SF3A1: variants seen among roughly 807,000 people sequenced by gnomAD.
The protein encoded by SF3A1 is SAP 114.
Under a neutral mutation model 89.9 loss-of-function variants are expected in SF3A1, and 13 were observed. The observed-to-expected ratio is 0.14, with a 90% CI of 0.09 to 0.23. The LOEUF is 0.23. Ranked by LOEUF, SF3A1 falls within the 10% of genes least tolerant of loss-of-function variation. The pLI is 1.00. For synonymous variants in SF3A1, 405 were observed against 374.4 expected (o/e 1.08, Z -0.94); for missense variants, 604 against 1,022.1 (o/e 0.59, Z 5.58).
intron 9 of SF3A1, among the ~76,000 whole-genome samples, chr22:30,339,627 G>C (rs562272795): frequency 1.3e-5 from 2 of 152,102 alleles, no homozygotes; most frequent in African/African-American, 4.8e-5. Context: ...GTGGTGGTGC[G>C]TGCCTGTAAT....
chr22:30,355,400 C>A (rs1931754036), intron 1 of SF3A1, among the ~76,000 whole-genome samples: 1 of 152,192 alleles, frequency 6.6e-6, no homozygotes, highest in Admixed American at 6.5e-5. Context: ...TTCTAACACA[C>A]CACTCTGGCT....
chr22:30,355,814 T>TTCC, intron 1 of SF3A1, among the ~76,000 whole-genome samples: 1 of 66,318 alleles, frequency 1.5e-5, no homozygotes, highest in East Asian at 9.0e-4. Context: ...TTCAGTCATG[T>TTCC]TCCCCCCCCC....
chr22:30,353,355 C>G (rs1421689853), intron 1 of SF3A1, among the ~76,000 whole-genome samples: 1 of 152,220 alleles, frequency 6.6e-6, no homozygotes, highest in South Asian at 2.1e-4. Flanking sequence ...GAGACCAGCA[C>G]TTCTCCTGTT....
chr22:30,353,154 C>A, intron 1 of SF3A1, 82 bp from the exon 2 acceptor site: 1 of 1,519,192 alleles, frequency 6.6e-7, no homozygotes, highest in South Asian at 1.2e-5. Flanking sequence ...TCTAGGATAT[C>A]ATTCAGAGTA....
At chr22:30,351,447 G>C (rs1931591989) in intron 2 of SF3A1, among the ~76,000 whole-genome samples, 1 of 152,218 alleles carries the variant, frequency 6.6e-6, no homozygotes, top group South Asian at 2.1e-4. Context: ...AACACATGCT[G>C]ATTGGGCCTG....
chr22:30,340,709 T>C lies in SF3A1; in HGVS notation c.1175A>G (p.Asp392Gly), dbSNP rs1569171420. The C allele has an allele frequency of 6.2e-7, 1 of 1,605,336 alleles. No individual in the cohort carries two copies. Among genetic ancestry groups the C allele is most frequent in the Non-Finnish European group, 8.5e-7 (1 of 1,173,148 alleles). Residue 392 changes from aspartate (D) to glycine (G), a missense_variant, in exon 8 of 16, where the codon GAT becomes GGT. Physicochemically the swap from Asp to Gly is moderately conservative, Grantham distance 94. This residue lies in a region of SF3A1 where 146 missense variants were observed against 228.5 expected (regional missense o/e 0.64). Coordinates refer to ENST00000215793, the MANE Select transcript of SF3A1 (RefSeq NM_005877.6). ...GCCCTCCCTACCTTTGGGATCATAA[T>C]CCTTGCGGACAATGACTTGGTCTGG... ...PTPDQVIVRK[D>G]YDPKASKPLP... is the part of the protein sequence containing the mutation.
Position 30,356,787 on chromosome 22 carries a change from C to A in SF3A1, c.6G>T (p.Pro2=), listed in dbSNP as rs980895834. 1.4e-6 allele frequency: 2 copies of A among 1,420,190 alleles called. No individual in the cohort carries two copies. The highest frequency in any genetic ancestry group is 3.0e-5 in the South Asian group (2 of 67,030). 88.0% of individuals were successfully genotyped at this position (1,420,190 alleles called of 1,614,324 possible). Residue 2 remains proline, a synonymous_variant, in exon 1 of 16, where the codon CCG becomes CCT. Transcript: ENST00000215793. Reference sequence around the variant, plus strand: ...GGGGCACCGCCTGCACGGGTCCGGCCGGCATGACTGCGACGCTCAGGGCTG... The same window carrying A: ...GGGGCACCGCCTGCACGGGTCCGGCAGGCATGACTGCGACGCTCAGGGCTG... M[P]AGPVQAVPPP...
chr22:30,335,792 G>A (rs368364522), intron 13 of SF3A1, 39 bp from the exon 14 acceptor site: 55 of 1,533,328 alleles, frequency 3.6e-5, no homozygotes, highest in Middle Eastern at 1.7e-4. Context: ...TAGGGAGCTC[G>A]GAGCCAATCA....
Position 30,356,872 on chromosome 22 carries a change from G to T in SF3A1, c.-80C>A. ...TCAAGACAGCCTCCCCGCTCGGTCA[G>T]TACGACGAGCTCGCAAGATGGCGGC... is the stretch of plus-strand genomic sequence containing the variant. On this transcript the variant is annotated 5_prime_UTR_variant, in exon 1 of 16. It adds an upstream start codon to the 5' untranslated region. Coordinates refer to ENST00000215793, the MANE Select transcript of SF3A1 (RefSeq NM_005877.6). 5.1e-6 allele frequency: 6 copies of T among 1,175,818 alleles called. No homozygotes were observed. The highest frequency in any genetic ancestry group is 6.5e-6 in the Non-Finnish European group (6 of 926,280). The allele number at this position is 1,175,818 out of a possible 1,614,324, so 72.8% of individuals were successfully genotyped here.
chr22:30,352,464 C>T (rs574093621), intron 2 of SF3A1: 43 of 154,398 alleles, frequency 2.8e-4, no homozygotes, highest in Middle Eastern at 3.4e-3. Flanking sequence ...CCCATGCCAT[C>T]TGAGGAGGTG....
At chr22:30,342,117 G>A in intron 6 of SF3A1, 83 bp downstream of exon 6, 1 of 1,489,676 alleles carries the variant, frequency 6.7e-7, no homozygotes, top group East Asian at 2.3e-5. Context: ...AGATTCTACT[G>A]CTCTCTGGGA....
At chr22:30,335,830 T>C (rs1429916363) in intron 13 of SF3A1, 77 bp from the exon 14 acceptor site, 8 of 1,197,088 alleles carry the variant, frequency 6.7e-6, no homozygotes, top group Non-Finnish European at 1.0e-5. Context: ...TCCCTAGGCC[T>C]GTCCAGACAA....
chr22:30,349,466 G>C (rs1931520249), intron 2 of SF3A1, among the ~76,000 whole-genome samples: 1 of 152,012 alleles, frequency 6.6e-6, no homozygotes, highest in Non-Finnish European at 1.5e-5. Context: ...ATTTTTAGTA[G>C]AGACGAGGTT....
intron 2 of SF3A1, among the ~76,000 whole-genome samples, chr22:30,350,851 T>G (rs1931570602): frequency 6.6e-6 from 1 of 152,200 alleles, no homozygotes; most frequent in Non-Finnish European, 1.5e-5. Context: ...CATTAAACAT[T>G]TATCTTAAAC....
Position 30,332,062 on chromosome 22 carries a change from T to G in SF3A1, c.*2532A>C, listed in dbSNP as rs1397885841. 1.3e-5 allele frequency: 2 copies of G among 152,338 alleles called. No individual in the cohort carries two copies. The highest frequency in any genetic ancestry group is 1.9e-4 in the East Asian group (1 of 5,196). 9.4% of individuals were successfully genotyped at this position (152,338 alleles called of 1,614,324 possible). A position where few individuals can be genotyped will look rare whatever the true frequency, so the allele number is the denominator to read the frequency against. On this transcript the variant is annotated 3_prime_UTR_variant, in exon 16 of 16. Transcript: ENST00000215793. The stretch of plus-strand genomic sequence containing the variant: ...TCTTATACACTGGTATGTGTACCCA[T>G]GAGTAGAGCTATATTATGCTTTCTT...
chr22:30,340,298 T>C lies in SF3A1; in HGVS notation c.1273A>G (p.Met425Val), dbSNP rs767980185. The change falls in exon 9 of 16, where the codon ATG becomes GTG. Residue 425 changes from methionine to valine, a missense_variant. By Grantham distance (21) the Met-to-Val change is conservative. Around this residue, in one of 9 missense-constraint regions of SF3A1, gnomAD observed 146 missense variants for 228.5 expected, o/e 0.64. Coordinates refer to ENST00000215793, the MANE Select transcript of SF3A1 (RefSeq NM_005877.6). ...ITGEKIPASK[M>V]QEHMRIGLLD... ...AGTCCAATGCGCATGTGTTCCTGCA[T>C]TTTGCTGGCGGGGATCTTCTCCCCA... The C allele has an allele frequency of 1.1e-5, 17 of 1,613,300 alleles. No homozygotes were observed. The highest frequency in any genetic ancestry group is 2.2e-5 in the South Asian group (2 of 90,964).
In SF3A1 at chr22:30,342,219, G is replaced by A. The variant is rs759460967; in HGVS notation, c.858C>T (p.Asp286=). The change falls in exon 6 of 16, where the codon GAC becomes GAT. Residue 286 remains aspartate, a synonymous_variant. Transcript: ENST00000215793. ...WHDFVVVETV[D]FQPNEQGNFP... ...ACCTACCTTGCTCATTGGGTTGGAAGTCCACTGTTTCCACCACCACAAAAT... is the reference window on the plus strand; with the variant it reads ...ACCTACCTTGCTCATTGGGTTGGAAATCCACTGTTTCCACCACCACAAAAT... 2.5e-6 allele frequency: 4 copies of A among 1,614,054 alleles called. No individual in the cohort carries two copies. Among genetic ancestry groups the A allele is most frequent in the African/African-American group, 2.7e-5 (2 of 74,912 alleles).
intron 1 of SF3A1, among the ~76,000 whole-genome samples, chr22:30,355,288 G>GGCGT (rs377731943): frequency 4.1e-4 from 63 of 152,304 alleles, no homozygotes; most frequent in African/African-American, 1.5e-3. Context: ...TGGAATTACA[G>GGCGT]GCGTGAGCCA....
chr22:30,342,125 G>C, intron 6 of SF3A1, 75 bp downstream of exon 6: 1 of 1,541,338 alleles, frequency 6.5e-7, no homozygotes, highest in Non-Finnish European at 9.0e-7. Flanking sequence ...CTGCTCTCTG[G>C]GAACACCTGC....
Sources: allele counts gnomAD v4.1 joint callset (sites outside exome capture counted in the v4.1 genomes callset), GRCh38; gene constraint gnomAD v4.1.1; regional missense constraint gnomAD v4.1.1; transcripts MANE v1.5; gene names NCBI Gene and HGNC (gene_info 2026-07-23, HGNC 2026-07-21).